The following MTURN variants were observed in gnomAD, a reference collection of about 807,000 sequenced individuals.
MTURN encodes the protein maturin, neural progenitor differentiation regulator homolog, also known as maturin.
Under a neutral mutation model 14.9 loss-of-function variants are expected in MTURN, and 7 were observed. The ratio of observed to expected loss-of-function variants is 0.47; its 90% CI spans 0.27 to 0.88. The LOEUF is 0.88. MTURN is among the 40% of genes least tolerant of loss of function. The probability of loss-of-function intolerance (pLI) is 0.14; values close to 1 mark genes in which losing one functional copy is unlikely to be tolerated. For missense variants in MTURN, 151 were observed against 174.1 expected (o/e 0.87, Z 0.75); for synonymous variants, 69 against 72.5 (o/e 0.95, Z 0.25).
At chr7:30,136,831 A>T (rs1255821488) in intron 1 of MTURN, among the ~76,000 whole-genome samples, 1 of 152,190 alleles carries the variant, frequency 6.6e-6, no homozygotes, top group Non-Finnish European at 1.5e-5. Flanking sequence ...CCAGGCGTTC[A>T]TATAGGTAAC....
At chr7:30,137,793 A>G (rs1036023195) in intron 1 of MTURN, 1 of 395,048 alleles carries the variant, frequency 2.5e-6, no homozygotes, top group Non-Finnish European at 5.3e-6. Flanking sequence ...GTGTGAGATC[A>G]ATGGAATTTC....
chr7:30,144,362 A>G (rs1156521361), intron 1 of MTURN, among the ~76,000 whole-genome samples: 1 of 152,266 alleles, frequency 6.6e-6, no homozygotes, highest in Non-Finnish European at 1.5e-5. Flanking sequence ...AGCAGAACTT[A>G]CTAAGTAGAA....
intron 1 of MTURN, among the ~76,000 whole-genome samples, chr7:30,143,376 T>C (rs553157790): frequency 6.1e-4 from 91 of 149,912 alleles, no homozygotes; most frequent in Non-Finnish European, 1.1e-3. Flanking sequence ...TTTTTCCCAA[T>C]GACAGACTTA....
At chr7:30,148,083 G>A (rs1208071574) in intron 2 of MTURN, among the ~76,000 whole-genome samples, 17 of 152,204 alleles carry the variant, frequency 1.1e-4, no homozygotes, top group Admixed American at 1.1e-3. Context: ...GTCGTGAAAT[G>A]ATGCTAGTAA....
Position 30,159,633 on chromosome 7 carries a change from G to A in MTURN, c.*2085G>A, listed in dbSNP as rs1394320912. On this transcript the variant is annotated 3_prime_UTR_variant, in exon 3 of 3. Transcript: ENST00000324453. Reference sequence around the variant, plus strand: ...ATAGATAGACTCGGCCATTCTGTGGGCTGATGAGAATTCTGGGCTTTGTTT... The same window carrying A: ...ATAGATAGACTCGGCCATTCTGTGGACTGATGAGAATTCTGGGCTTTGTTT... 6.6e-6 allele frequency: 1 copy of A among 152,620 alleles called. No homozygotes were observed. Among genetic ancestry groups the A allele is most frequent in the African/African-American group, 2.4e-5 (1 of 41,442 alleles). The allele number at this position is 152,620 out of a possible 1,614,324, so 9.5% of individuals were successfully genotyped here. A position where few individuals can be genotyped will look rare whatever the true frequency, so the allele number is the denominator to read the frequency against.
chr7:30,156,352 A>G (rs904401097), intron 2 of MTURN, among the ~76,000 whole-genome samples: 9 of 152,160 alleles, frequency 5.9e-5, no homozygotes, highest in South Asian at 4.1e-4. Flanking sequence ...TCTTTTTTCT[A>G]TGCATATGTG....
In MTURN at chr7:30,157,469, C is replaced by T. The variant is rs138966019; in HGVS notation, c.317C>T (p.Ala106Val). ...LLGLPDADDDAFEEYSADVEE... is the reference protein window; with the variant it reads ...LLGLPDADDDVFEEYSADVEE... ...GGGCTTCCGGATGCAGATGACGATG[C>T]GTTTGAAGAGTACAGTGCTGACGTG... The change falls in exon 3 of 3, where the codon GCG (alanine) becomes GTG (valine). Residue 106 changes from alanine (A) to valine (V), a missense_variant. Ala to Val is a moderately conservative substitution (Grantham distance 64, BLOSUM62 0). Transcript: ENST00000324453. 311 of 1,604,232 alleles carry T rather than the reference C, an allele frequency of 1.9e-4. 1 individual carries two copies. Among genetic ancestry groups the T allele is most frequent in the Non-Finnish European group, 2.5e-4 (299 of 1,175,844 alleles).
In MTURN at chr7:30,157,452, G is replaced by A. The variant is rs1192375606; in HGVS notation, c.300G>A (p.Pro100=). 25 of 1,599,404 alleles carry A rather than the reference G, an allele frequency of 1.6e-5. No homozygotes were observed. The highest frequency in any genetic ancestry group is 2.3e-5 in the East Asian group (1 of 43,514). The part of the protein sequence containing the change: ...FKSFRPLLGL[P]DADDDAFEEY... ...TCTCCCTGTAGTTACTGGGGCTTCC[G>A]GATGCAGATGACGATGCGTTTGAAG... Residue 100 remains proline (P), a synonymous_variant, in exon 3 of 3, where the codon CCG becomes CCA. Coordinates refer to ENST00000324453, the MANE Select transcript of MTURN (RefSeq NM_152793.3).
rs1237831489 is a variant in MTURN at position 30,160,253 on chromosome 7, C to G, written c.*2705C>G. The G allele has an allele frequency of 6.6e-6, 1 of 152,312 alleles. No homozygotes were observed. The highest frequency in any genetic ancestry group is 1.9e-4 in the East Asian group (1 of 5,202). The allele number at this position is 152,312 out of a possible 1,614,324, so 9.4% of individuals were successfully genotyped here. ...CTTTAGGATGCTGACCCCTGCACTA[C>G]CTTAGAACATGTTGATCTGTGAGTG... is the stretch of plus-strand genomic sequence containing the variant. On this transcript the variant is annotated 3_prime_UTR_variant, in exon 3 of 3. Coordinates refer to ENST00000324453, the MANE Select transcript of MTURN (RefSeq NM_152793.3).
In MTURN at chr7:30,158,740, ATTAC is replaced by A. The variant is rs1040821861; in HGVS notation, c.*1198_*1201del. 2 of 152,132 alleles carry A rather than the reference ATTAC, an allele frequency of 1.3e-5. No individual in the cohort carries two copies. Among genetic ancestry groups the A allele is most frequent in the Non-Finnish European group, 2.9e-5 (2 of 68,028 alleles). 9.4% of individuals were successfully genotyped at this position (152,132 alleles called of 1,614,324 possible). ...TACTGCTGTTATCGTTTAGCCAACAATTACTTACTGGGGACATCCTTTGTAATGC... is the reference window on the plus strand; with the variant it reads ...TACTGCTGTTATCGTTTAGCCAACAATTACTGGGGACATCCTTTGTAATGC... On this transcript the variant is annotated 3_prime_UTR_variant, in exon 3 of 3. Transcript: ENST00000324453.
At chr7:30,137,354 A>G (rs779896171) in intron 1 of MTURN, 1 of 311,138 alleles carries the variant, frequency 3.2e-6, no homozygotes, top group Non-Finnish European at 6.4e-6. Flanking sequence ...AATGACTCCA[A>G]AGACAGTAAG....
chr7:30,148,926 G>A (rs1407499336), intron 2 of MTURN, among the ~76,000 whole-genome samples: 3 of 152,132 alleles, frequency 2.0e-5, no homozygotes, highest in South Asian at 2.1e-4. Context: ...AAGAATACCC[G>A]TTAGCAACTG....
At chr7:30,153,112 G>T (rs527732250) in intron 2 of MTURN, among the ~76,000 whole-genome samples, 1 of 152,046 alleles carries the variant, frequency 6.6e-6, no homozygotes, top group East Asian at 1.9e-4. Flanking sequence ...CCACCTTTTT[G>T]GTATGAGAAT....
At chr7:30,137,722 T>C in intron 1 of MTURN, 1 of 470,654 alleles carries the variant, frequency 2.1e-6, no homozygotes, top group Non-Finnish European at 4.4e-6. Flanking sequence ...TTGCCTCTAA[T>C]AAGTGTCCTG....
chr7:30,150,676 G>A (rs1170122706), intron 2 of MTURN, among the ~76,000 whole-genome samples: 1 of 152,234 alleles, frequency 6.6e-6, no homozygotes, highest in Non-Finnish European at 1.5e-5. Context: ...ACAAAGCCAG[G>A]CAGTGGCTTC....
intron 1 of MTURN, among the ~76,000 whole-genome samples, chr7:30,136,162 A>G (rs1796956874): frequency 6.6e-6 from 1 of 152,192 alleles, no homozygotes; most frequent in Admixed American, 6.5e-5. Context: ...TGGCTTTTCC[A>G]GATGACGGGG....
chr7:30,144,491 G>T (rs980046313), intron 1 of MTURN, among the ~76,000 whole-genome samples: 1 of 152,206 alleles, frequency 6.6e-6, no homozygotes, highest in African/African-American at 2.4e-5. Flanking sequence ...AAATGACATT[G>T]TGGTGGTTTG....
rs556779456 is a variant in MTURN at position 30,159,607 on chromosome 7, G to C, written c.*2059G>C. Reference sequence around the variant, plus strand: ...TCTCTGTTTATAAAAATTGAGTGGAGATAGATAGACTCGGCCATTCTGTGG... The same window carrying C: ...TCTCTGTTTATAAAAATTGAGTGGACATAGATAGACTCGGCCATTCTGTGG... On this transcript the variant is annotated 3_prime_UTR_variant, in exon 3 of 3. Transcript: ENST00000324453. The C allele has an allele frequency of 6.5e-6, 1 of 152,768 alleles. No individual in the cohort carries two copies. Among genetic ancestry groups the C allele is most frequent in the African/African-American group, 2.4e-5 (1 of 41,580 alleles). 9.5% of individuals were successfully genotyped at this position (152,768 alleles called of 1,614,324 possible).
intron 1 of MTURN, among the ~76,000 whole-genome samples, chr7:30,136,879 A>G (rs1447268623): frequency 6.6e-6 from 1 of 152,200 alleles, no homozygotes; most frequent in Non-Finnish European, 1.5e-5. Flanking sequence ...AGAGCCCCAC[A>G]AATTTGGGGT....
Sources: gnomAD v4.1 joint callset for allele counts (sites outside exome capture counted in the v4.1 genomes callset) on GRCh38, gnomAD v4.1.1 for gene constraint, MANE v1.5 for transcripts, NCBI Gene and HGNC (gene_info 2026-07-23, HGNC 2026-07-21) for gene names.